Variants in KCNIP1 observed in about 807,000 individuals in gnomAD.
The protein encoded by KCNIP1 is A-type potassium channel modulatory protein KCNIP1.
A neutral mutation model predicts 33.0 loss-of-function variants in KCNIP1; 18 were observed. That is an observed-to-expected ratio of 0.55 (90% CI 0.38 to 0.81). KCNIP1 has a LOEUF of 0.81. Among genes scored for constraint, KCNIP1 ranks in the 30% least tolerant of loss-of-function variants. The probability of loss-of-function intolerance (pLI) is 0.00; values close to 1 mark genes in which losing one functional copy is unlikely to be tolerated. For synonymous variants in KCNIP1, 93 were observed against 98.3 expected, an observed-to-expected ratio of 0.95 and a Z score of 0.32; for missense variants, 238 against 271.6, an observed-to-expected ratio of 0.88 and a Z score of 0.87.
intron 1 of KCNIP1, among the ~76,000 whole-genome samples, chr5:170,408,991 G>A (rs1459968189): frequency 1.3e-5 from 2 of 152,206 alleles, no homozygotes; most frequent in Non-Finnish European, 2.9e-5. Flanking sequence ...TGGGCAAGCA[G>A]GTGGGGTTTG....
chr5:170,697,135 C>T (rs1362405620), intron 1 of KCNIP1, among the ~76,000 whole-genome samples: 2 of 152,022 alleles, frequency 1.3e-5, no homozygotes, highest in Non-Finnish European at 1.5e-5. Context: ...TCAGATTCCA[C>T]TCCTTGGGAT....
chr5:170,391,114 C>T (rs1330088523), intron 1 of KCNIP1, among the ~76,000 whole-genome samples: 2 of 152,162 alleles, frequency 1.3e-5, no homozygotes, highest in African/African-American at 4.8e-5. Context: ...GATGTAGGAT[C>T]TGGAATTCAA....
At chr5:170,553,732 A>G (rs1339391140) in intron 1 of KCNIP1, among the ~76,000 whole-genome samples, 1 of 152,240 alleles carries the variant, frequency 6.6e-6, no homozygotes, top group Non-Finnish European at 1.5e-5. Context: ...GGCCTCAAAC[A>G]GGAAACCTGG....
chr5:170,588,605 C>T (rs1220809938), intron 1 of KCNIP1, among the ~76,000 whole-genome samples: 2 of 152,310 alleles, frequency 1.3e-5, no homozygotes, highest in Middle Eastern at 3.4e-3. Context: ...CACCCCTCGC[C>T]TCCCCAAATC....
intron 1 of KCNIP1, among the ~76,000 whole-genome samples, chr5:170,393,501 A>T (rs1447059702): frequency 6.6e-6 from 1 of 152,160 alleles, no homozygotes; most frequent in Non-Finnish European, 1.5e-5. Flanking sequence ...TGCCGAGGTG[A>T]CTCAGACACG....
chr5:170,403,895 A>C (rs1050379185), intron 1 of KCNIP1, among the ~76,000 whole-genome samples: 2 of 152,218 alleles, frequency 1.3e-5, no homozygotes, highest in Non-Finnish European at 2.9e-5. Context: ...CCTGCACTGC[A>C]TACCAGAGGG....
chr5:170,459,927 T>C (rs2113102378), intron 1 of KCNIP1, among the ~76,000 whole-genome samples: 1 of 152,174 alleles, frequency 6.6e-6, no homozygotes, highest in East Asian at 1.9e-4. Flanking sequence ...ATAAATACGA[T>C]TGATAGACCA....
At chr5:170,655,733 C>G (rs569624638) in intron 1 of KCNIP1, among the ~76,000 whole-genome samples, 8 of 152,300 alleles carry the variant, frequency 5.3e-5, no homozygotes, top group African/African-American at 1.9e-4. Context: ...GCACTGTGGG[C>G]TGAGAATTGA....
chr5:170,658,057 AG>A (rs1158161818), intron 1 of KCNIP1, among the ~76,000 whole-genome samples: 1 of 152,164 alleles, frequency 6.6e-6, no homozygotes, highest in African/African-American at 2.4e-5. Context: ...CCTAATGGAA[AG>A]GCATTGCAGG....
At chr5:170,571,821 T>C (rs1382642938) in intron 1 of KCNIP1, among the ~76,000 whole-genome samples, 1 of 152,192 alleles carries the variant, frequency 6.6e-6, no homozygotes, top group African/African-American at 2.4e-5. Context: ...AGCATGCAAG[T>C]GAGCAGAGCT....
At chr5:170,447,799 T>C (rs1326101432) in intron 1 of KCNIP1, among the ~76,000 whole-genome samples, 2 of 151,856 alleles carry the variant, frequency 1.3e-5, no homozygotes, top group Non-Finnish European at 2.9e-5. Flanking sequence ...CCGTGTTTGT[T>C]GCTTACAAAT....
intron 1 of KCNIP1, among the ~76,000 whole-genome samples, chr5:170,454,758 G>A (rs1018012249): frequency 6.6e-5 from 10 of 152,138 alleles, no homozygotes; most frequent in Admixed American, 3.9e-4. Context: ...AAATCTGTGT[G>A]ACAGACTTCT....
chr5:170,583,910 AC>A (rs1418462645), intron 1 of KCNIP1, among the ~76,000 whole-genome samples: 1 of 152,214 alleles, frequency 6.6e-6, no homozygotes. Context: ...ATACTTTGAT[AC>A]CAGCATGTAA....
intron 1 of KCNIP1, among the ~76,000 whole-genome samples, chr5:170,381,915 C>T (rs527858441): frequency 4.6e-5 from 7 of 152,308 alleles, no homozygotes; most frequent in African/African-American, 7.2e-5. Context: ...CTCTCTCCAC[C>T]GGGTGGGGCC....
intron 1 of KCNIP1, among the ~76,000 whole-genome samples, chr5:170,363,104 C>T (rs1286060874): frequency 2.0e-5 from 3 of 152,208 alleles, no homozygotes; most frequent in East Asian, 1.9e-4. Flanking sequence ...TACAAGGATT[C>T]CTATATTCAG....
intron 1 of KCNIP1, among the ~76,000 whole-genome samples, chr5:170,476,568 C>A (rs1363598452): frequency 6.6e-6 from 1 of 152,098 alleles, no homozygotes; most frequent in Admixed American, 6.6e-5. Context: ...AGCAGTATGA[C>A]AATTTGTCTT....
intron 1 of KCNIP1, chr5:170,712,977 CT>C: frequency 9.9e-7 from 1 of 1,007,922 alleles, no homozygotes. Flanking sequence ...AATTAGTCTT[CT>C]CATGCACCAG....
At chr5:170,417,904 G>T (rs1755373418) in intron 1 of KCNIP1, among the ~76,000 whole-genome samples, 1 of 152,044 alleles carries the variant, frequency 6.6e-6, no homozygotes. Context: ...ACCCAGTCTT[G>T]CCCACTAGAC....
intron 1 of KCNIP1, chr5:170,422,984 G>A (rs1195682811): frequency 6.6e-6 from 1 of 152,400 alleles, no homozygotes; most frequent in African/African-American, 2.4e-5. Context: ...TGCTCAGGAG[G>A]TTGAGGTGGG....
Sources: allele counts gnomAD v4.1 joint callset (sites outside exome capture counted in the v4.1 genomes callset), GRCh38; gene constraint gnomAD v4.1.1; transcripts MANE v1.5; gene names NCBI Gene and HGNC (gene_info 2026-07-23, HGNC 2026-07-21).